Variants in RNF115 observed in about 807,000 individuals in gnomAD.
The protein encoded by RNF115 is ring finger protein 115, also known as E3 ubiquitin-protein ligase RNF115.
In RNF115, 31 loss-of-function variants were observed where a neutral mutation model predicts 39.2. The observed-to-expected ratio is 0.79, with a 90% CI of 0.59 to 1.07. RNF115 has a LOEUF of 1.07. Ranked by LOEUF, RNF115 falls within the 50% of genes least tolerant of loss-of-function variation. The pLI, the probability that RNF115 is intolerant of heterozygous loss-of-function variation, is 0.00. For missense variants in RNF115, 384 were observed against 381.7 expected (o/e 1.01, Z -0.05); for synonymous variants, 124 against 131.0 (o/e 0.95, Z 0.37).
chr1:145,823,719 T>C, intron 1 of RNF115, 53 bp downstream of exon 1: 1 of 1,355,450 alleles, frequency 7.4e-7, no homozygotes, highest in Non-Finnish European at 1.0e-6. Flanking sequence ...TTCCGGGAAA[T>C]CGGGGCCAGG....
At chr1:145,817,538 T>C (rs1452021048) in intron 1 of RNF115, among the ~76,000 whole-genome samples, 1 of 146,058 alleles carries the variant, frequency 6.8e-6, no homozygotes, top group Admixed American at 6.8e-5. Context: ...TTAAGCCTTT[T>C]TATATATTGA....
chr1:145,771,676 C>T, intron 4 of RNF115, 35 bp downstream of exon 4: 2 of 1,562,612 alleles, frequency 1.3e-6, no homozygotes, highest in Non-Finnish European at 1.8e-6. Context: ...TTCATTGAAA[C>T]TACCTTAAAA....
At chr1:145,819,271 C>CAAAAAAAA (rs59058505) in intron 1 of RNF115, among the ~76,000 whole-genome samples, 1 of 52,256 alleles carries the variant, frequency 1.9e-5, no homozygotes, top group African/African-American at 5.9e-5. Flanking sequence ...CCTTATCTCT[C>CAAAAAAAA]AAAAAAAAAA....
chr1:145,747,943 A>G, intron 8 of RNF115, 52 bp downstream of exon 8: 1 of 1,176,754 alleles, frequency 8.5e-7, no homozygotes, highest in Non-Finnish European at 1.3e-6. Flanking sequence ...ACTGTTAACT[A>G]TACCTTTACT....
intron 3 of RNF115, chr1:145,772,820 CCTTT>C (rs1477782982): frequency 2.0e-5 from 3 of 152,092 alleles, no homozygotes; most frequent in Non-Finnish European, 2.9e-5. Flanking sequence ...GTTTTCTGCA[CCTTT>C]CTCCCTCTCC....
intron 4 of RNF115, among the ~76,000 whole-genome samples, chr1:145,770,612 T>C (rs1233749599): frequency 6.6e-6 from 1 of 151,954 alleles, no homozygotes; most frequent in African/African-American, 2.4e-5. Context: ...TAGATTCATA[T>C]AGCCCTAGAT....
intron 3 of RNF115, among the ~76,000 whole-genome samples, chr1:145,776,113 C>A (rs1227142692): frequency 2.0e-5 from 3 of 150,984 alleles, no homozygotes; most frequent in Non-Finnish European, 2.9e-5. Context: ...TGTACCAATT[C>A]AGACTCCTAC....
chr1:145,804,641 G>A (rs1443163012), intron 1 of RNF115, among the ~76,000 whole-genome samples: 1 of 152,036 alleles, frequency 6.6e-6, no homozygotes, highest in East Asian at 1.9e-4. Context: ...CAAACTGTAG[G>A]TTCTAATAAA....
chr1:145,810,906 C>A (rs1383680884), intron 1 of RNF115, among the ~76,000 whole-genome samples: 2 of 149,778 alleles, frequency 1.3e-5, no homozygotes, highest in East Asian at 3.9e-4. Flanking sequence ...CACTCTGTCA[C>A]CCAGGCTGGA....
Position 145,742,724 on chromosome 1 carries a change from G to A in RNF115, c.*4142C>T, listed in dbSNP as rs1208192282. 6.6e-6 allele frequency: 1 copy of A among 152,198 alleles called. No individual in the cohort carries two copies. Among genetic ancestry groups the A allele is most frequent in the Admixed American group, 6.5e-5 (1 of 15,272 alleles). 9.4% of individuals were successfully genotyped at this position (152,198 alleles called of 1,614,324 possible). ...TACACATATATACATATATAAAAAT[G>A]TGCAATACAAAGACATAAGCAAGGA... is the stretch of plus-strand genomic sequence containing the variant. On this transcript the variant is annotated 3_prime_UTR_variant, in exon 9 of 9. Transcript: ENST00000582693.
chr1:145,793,339 T>C (rs1648766422), intron 1 of RNF115, among the ~76,000 whole-genome samples: 1 of 152,136 alleles, frequency 6.6e-6, no homozygotes, highest in Non-Finnish European at 1.5e-5. Context: ...CAATAATATA[T>C]GCAAATATAT....
rs1401728813 is a variant in RNF115, at chr1:145,823,595, G to C, written c.102+177C>G. Among the ~76,000 whole-genome samples, 9 of 152,332 alleles carry C rather than the reference G, an allele frequency of 5.9e-5. No homozygotes were observed. The South Asian group carries it at 1.9e-3, about 32-fold the overall frequency. On this transcript the variant is annotated intron_variant, in intron 1 of 8. Transcript: ENST00000582693. ...GAATTAAGAGGTGGGCAGGAGGTAC[G>C]GGGCCGAGGCCGTGATGCCCAGGGT... is the stretch of plus-strand genomic sequence containing the variant.
intron 4 of RNF115, 83 bp downstream of exon 4, chr1:145,771,628 T>G: frequency 3.3e-5 from 37 of 1,109,780 alleles, no homozygotes; most frequent in Non-Finnish European, 4.8e-5. Context: ...GTAATAAGTA[T>G]GAGACCCTTA....
At chr1:145,772,078 AT>A in intron 3 of RNF115, 159 bp from the exon 4 acceptor site, 1 of 626,048 alleles carries the variant, frequency 1.6e-6, no homozygotes. Flanking sequence ...CTGTAAAACT[AT>A]TACATGATCT....
intron 4 of RNF115, among the ~76,000 whole-genome samples, chr1:145,762,871 T>C (rs150439739): frequency 5.3e-5 from 8 of 152,298 alleles, no homozygotes; most frequent in African/African-American, 1.9e-4. Context: ...AACATGAATA[T>C]AGCTGGAGGT....
intron 4 of RNF115, among the ~76,000 whole-genome samples, chr1:145,767,157 G>A (rs1471455133): frequency 7.3e-5 from 11 of 149,814 alleles, no homozygotes; most frequent in East Asian, 2.0e-4. Flanking sequence ...CCGGGCGGAG[G>A]GGCTCCTCAC....
intron 4 of RNF115, among the ~76,000 whole-genome samples, chr1:145,757,723 T>C (rs782286101): frequency 2.6e-5 from 4 of 152,236 alleles, no homozygotes; most frequent in Non-Finnish European, 4.4e-5. Context: ...GCAACTTCTT[T>C]GTGCCATCAT....
At chr1:145,818,133 G>A (rs1176878235) in intron 1 of RNF115, among the ~76,000 whole-genome samples, 1 of 151,712 alleles carries the variant, frequency 6.6e-6, no homozygotes, top group African/African-American at 2.4e-5. Context: ...TGGATTGCTG[G>A]GCAGAATGGT....
intron 4 of RNF115, among the ~76,000 whole-genome samples, chr1:145,769,757 C>A: frequency 2.5e-5 from 2 of 78,712 alleles, no homozygotes; most frequent in African/African-American, 5.7e-5. Context: ...ATGTAAAAAT[C>A]CTTAAAAAAA....
Sources: allele counts gnomAD v4.1 joint callset (sites outside exome capture counted in the v4.1 genomes callset), GRCh38; gene constraint gnomAD v4.1.1; transcripts MANE v1.5; gene names NCBI Gene and HGNC (gene_info 2026-07-23, HGNC 2026-07-21).